RGL3: variants seen among roughly 807,000 people sequenced by gnomAD.
RGL3 encodes the protein ral guanine nucleotide dissociation stimulator-like 3.
In RGL3, 85 loss-of-function variants were observed where a neutral mutation model predicts 90.6. The observed-to-expected ratio is 0.94, with a 90% CI of 0.79 to 1.12. RGL3 has a LOEUF of 1.12. RGL3 is among the 50% of genes most tolerant of loss of function. The pLI, the probability that RGL3 is intolerant of heterozygous loss-of-function variation, is 0.00. For synonymous variants in RGL3, 408 were observed against 385.5 expected (o/e 1.06, Z -0.68); for missense variants, 1,034 against 939.2 (o/e 1.10, Z -1.32).
chr19:11,409,476 A>G (rs376274701), intron 5 of RGL3, among the ~76,000 whole-genome samples: 1 of 148,624 alleles, frequency 6.7e-6, no homozygotes, highest in African/African-American at 2.5e-5. Context: ...GCGAGACTCC[A>G]TCTCAAAAAA....
rs186677687 is a variant in RGL3, at chr19:11,412,597, G to A, written c.637+3340C>T. Among the ~76,000 whole-genome samples, 281 of 152,102 alleles carry A rather than the reference G, an allele frequency of 1.8e-3. 2 individuals carry two copies. Among genetic ancestry groups the A allele is most frequent in the African/African-American group, 6.1e-3 (253 of 41,500 alleles). ...CAAGTGTAGTCTTAGCTACTCAGGA[G>A]GCTGAGGTAGGAGGCTCACTTGAGC... On this transcript the variant is annotated intron_variant, in intron 5 of 18. Transcript: ENST00000380456.
chr19:11,411,696 A>G (rs1968878057), intron 5 of RGL3, among the ~76,000 whole-genome samples: 1 of 152,160 alleles, frequency 6.6e-6, no homozygotes, highest in Admixed American at 6.5e-5. Flanking sequence ...ATCACGGCTC[A>G]CTGCAGCCTT....
chr19:11,396,154 ATATATTTTTTTTTTTTT>A (rs1431484263), intron 18 of RGL3, among the ~76,000 whole-genome samples: 2 of 65,896 alleles, frequency 3.0e-5, no homozygotes, highest in South Asian at 5.0e-4. Flanking sequence ...ATATATATAT[ATATATTTTTTTTTTTTT>A]TTTTTTTTTT....
intron 15 of RGL3, 37 bp from the exon 16 acceptor site, chr19:11,399,988 G>T (rs1477759871): frequency 6.9e-6 from 11 of 1,583,966 alleles, no homozygotes; most frequent in Non-Finnish European, 9.4e-6. Flanking sequence ...GGGTGGCTGT[G>T]CTGACTCCTG....
rs1390616297 is a variant in RGL3, at chr19:11,400,076, C to G, written c.1613G>C (p.Ser538Thr). The change falls in exon 15 of 19, where the codon AGT (serine) becomes ACT (threonine). Residue 538 changes from serine (S) to threonine (T), a missense_variant. By Grantham distance (58) the Ser-to-Thr change is moderately conservative (BLOSUM62 1). Coordinates refer to ENST00000380456, the MANE Select transcript of RGL3 (RefSeq NM_001035223.4). Reference protein sequence around the residue: ...KLAREKSSSPSGSPGDPSSPT... With the variant: ...KLAREKSSSPTGSPGDPSSPT... ...GGATGAGGGGTCCCCGGGACTCCCACTAGGTGATGAGCTTTTCTCTCGGGC... is the reference window on the plus strand; with the variant it reads ...GGATGAGGGGTCCCCGGGACTCCCAGTAGGTGATGAGCTTTTCTCTCGGGC... 1 of 1,610,486 alleles carries G rather than the reference C, an allele frequency of 6.2e-7. No individual in the cohort carries two copies. The highest frequency in any genetic ancestry group is 1.1e-5 in the South Asian group (1 of 90,706).
intron 5 of RGL3, among the ~76,000 whole-genome samples, chr19:11,408,379 C>A (rs1968817593): frequency 6.6e-6 from 1 of 151,952 alleles, no homozygotes; most frequent in African/African-American, 2.4e-5. Context: ...GTCAGGAGTT[C>A]GAGACCAGCG....
intron 5 of RGL3, among the ~76,000 whole-genome samples, chr19:11,414,757 C>T (rs937569708): frequency 1.3e-5 from 2 of 151,580 alleles, no homozygotes; most frequent in Non-Finnish European, 2.9e-5. Flanking sequence ...GTTGTTCCTG[C>T]CCCTGGGGAC....
Position 11,400,303 on chromosome 19 carries a change from G to C in RGL3, c.1485-6C>G, listed in dbSNP as rs375275767. ...TGACCCGGGAGAGCCGGTAGCTGAG[G>C]GGTCAATATGTGGATGAGGTGGTGG... On this transcript the variant is annotated splice_polypyrimidine_tract_variant and splice_region_variant and intron_variant, in intron 13 of 18. Coordinates refer to ENST00000380456, the MANE Select transcript of RGL3 (RefSeq NM_001035223.4). The C allele has an allele frequency of 3.8e-6, 6 of 1,572,042 alleles. No individual in the cohort carries two copies. In the African/African-American group the frequency reaches 8.2e-5, roughly 21 times the overall value.
chr19:11,415,746 A>G (rs530526811), intron 5 of RGL3, among the ~76,000 whole-genome samples, 191 bp downstream of exon 5: 2 of 151,598 alleles, frequency 1.3e-5, no homozygotes, highest in East Asian at 3.9e-4. Flanking sequence ...AACTGCTGGG[A>G]TACAGGCGTG....
intron 4 of RGL3, 159 bp from the exon 5 acceptor site, chr19:11,416,307 C>G (rs1322769721): frequency 3.1e-6 from 2 of 652,338 alleles, no homozygotes; most frequent in Non-Finnish European, 2.6e-6. Flanking sequence ...CAACCTCAGC[C>G]TCCCGAGTAG....
At chr19:11,407,016 T>C in intron 5 of RGL3, 152 bp from the exon 6 acceptor site, 1 of 703,338 alleles carries the variant, frequency 1.4e-6, no homozygotes, top group Non-Finnish European at 2.3e-6. Context: ...GAGACAGTCT[T>C]ACTCTGTTGC....
rs372162799 is a variant in RGL3 at position 11,416,850 on chromosome 19, C to T, written c.357G>A (p.Pro119=). The T allele has an allele frequency of 2.5e-4, 404 of 1,613,216 alleles. No individual in the cohort carries two copies. Among genetic ancestry groups the T allele is most frequent in the Non-Finnish European group, 3.3e-4 (387 of 1,179,692 alleles). The change falls in exon 3 of 19, where the codon CCG becomes CCA. Residue 119 remains proline, a synonymous_variant. Transcript: ENST00000380456. The part of the protein sequence containing the change: ...LLGFLLPPMP[P]PPPPGVEIKK... ...TCGCTACTGACCCGGGAGGTGGGGG[C>T]GGTGGCATTGGTGGCAGCAGAAAGC...
Position 11,418,660 on chromosome 19 carries a change from C to A in RGL3, c.147+11G>T, listed in dbSNP as rs1224463831. ...TCCGGCCCCGCGCCACCCACCAAAC[C>A]CCCTCCTCACCTGGCTGCCCCCGGG... On this transcript the variant is annotated intron_variant, in intron 2 of 18. Coordinates refer to ENST00000380456, the MANE Select transcript of RGL3 (RefSeq NM_001035223.4). 3.3e-6 allele frequency: 5 copies of A among 1,537,964 alleles called. No individual in the cohort carries two copies. The Middle Eastern group carries it at 5.5e-4, about 170-fold the overall frequency.
chr19:11,401,226 A>AT (rs1051265868), intron 13 of RGL3, among the ~76,000 whole-genome samples: 3,321 of 130,676 alleles, frequency 0.025, 147 homozygotes, highest in African/African-American at 0.078. Flanking sequence ...AATTGTGACT[A>AT]TTTTTTTTTT....
intron 2 of RGL3, among the ~76,000 whole-genome samples, chr19:11,417,766 C>G (rs992484771): frequency 6.6e-6 from 1 of 152,032 alleles, no homozygotes; most frequent in Non-Finnish European, 1.5e-5. Context: ...CACCTCGCCC[C>G]GCCTGTAGCA....
intron 5 of RGL3, among the ~76,000 whole-genome samples, chr19:11,415,216 A>G (rs1968972309): frequency 6.6e-6 from 1 of 151,970 alleles, no homozygotes; most frequent in Non-Finnish European, 1.5e-5. Context: ...CAGGCTAGGT[A>G]TAGTGGCTCG....
intron 3 of RGL3, 22 bp downstream of exon 3, chr19:11,416,814 G>A: frequency 6.2e-7 from 1 of 1,612,294 alleles, no homozygotes; most frequent in Non-Finnish European, 8.5e-7. Flanking sequence ...GGAGAATACG[G>A]AGGTTATGGT....
chr19:11,413,231 G>GAAA (rs765531257), intron 5 of RGL3, among the ~76,000 whole-genome samples: 8 of 89,176 alleles, frequency 9.0e-5, no homozygotes, highest in East Asian at 4.7e-4. Flanking sequence ...TTTTGAAAAA[G>GAAA]AAAAAAAAAA....
At chr19:11,417,220 TG>T (rs1304864629) in intron 2 of RGL3, among the ~76,000 whole-genome samples, 161 bp from the exon 3 acceptor site, 1 of 151,700 alleles carries the variant, frequency 6.6e-6, no homozygotes, top group East Asian at 1.9e-4. Context: ...GGCACGATCT[TG>T]GGTCACTTCA....
Sources: gnomAD v4.1 joint callset for allele counts (sites outside exome capture counted in the v4.1 genomes callset) on GRCh38, gnomAD v4.1.1 for gene constraint, MANE v1.5 for transcripts, NCBI Gene and HGNC (gene_info 2026-07-23, HGNC 2026-07-21) for gene names.